The following ACOXL variants were observed in gnomAD, a reference collection of about 807,000 sequenced individuals.
ACOXL encodes the protein acyl-CoA oxidase like.
ACOXL carries 70 observed loss-of-function variants against 71.9 expected under a neutral mutation model. That is an observed-to-expected ratio of 0.97 (90% CI 0.80 to 1.19). ACOXL has a LOEUF of 1.19. Among genes scored for constraint, ACOXL ranks in the 50% most tolerant of loss-of-function variants. The pLI, the probability that ACOXL is intolerant of heterozygous loss-of-function variation, is 0.00. For missense variants in ACOXL, 703 were observed against 736.3 expected (o/e 0.95, Z 0.52); for synonymous variants, 253 against 281.6 (o/e 0.90, Z 1.02).
chr2:111,038,968 A>G (rs745348069), intron 15 of ACOXL, among the ~76,000 whole-genome samples: 4 of 152,226 alleles, frequency 2.6e-5, no homozygotes, highest in African/African-American at 7.2e-5. Flanking sequence ...TTTTTCTTCT[A>G]TAAATAATCT....
At chr2:110,910,430 T>C (rs1225347547) in intron 11 of ACOXL, among the ~76,000 whole-genome samples, 1 of 152,262 alleles carries the variant, frequency 6.6e-6, no homozygotes, top group Non-Finnish European at 1.5e-5. Context: ...GCAAAGTGAA[T>C]ATTCTTGTAC....
At chr2:111,093,226 C>CAA (rs551489527) in intron 17 of ACOXL, among the ~76,000 whole-genome samples, 15 of 94,132 alleles carry the variant, frequency 1.6e-4, no homozygotes, top group South Asian at 3.4e-4. Flanking sequence ...TTGTCTTGGC[C>CAA]AAAAAAAAAA....
At chr2:110,988,261 G>C (rs112209684) in intron 13 of ACOXL, among the ~76,000 whole-genome samples, 21 of 152,210 alleles carry the variant, frequency 1.4e-4, no homozygotes, top group African/African-American at 4.8e-4. Flanking sequence ...AATATGGTGA[G>C]ACCTCTGTCT....
At chr2:110,879,949 C>T (rs932650830) in intron 10 of ACOXL, among the ~76,000 whole-genome samples, 13 of 151,826 alleles carry the variant, frequency 8.6e-5, no homozygotes, top group African/African-American at 3.1e-4. Flanking sequence ...AGTTCAAGAC[C>T]ACCCTGGCCA....
chr2:110,773,920 A>C (rs564264600), intron 2 of ACOXL, among the ~76,000 whole-genome samples: 2 of 152,318 alleles, frequency 1.3e-5, no homozygotes, highest in South Asian at 4.1e-4. Context: ...CATCTGTGAT[A>C]GCCACAGGGA....
chr2:110,885,803 T>G (rs1697210394), intron 10 of ACOXL, among the ~76,000 whole-genome samples: 1 of 152,220 alleles, frequency 6.6e-6, no homozygotes, highest in African/African-American at 2.4e-5. Context: ...ATATTTCAGA[T>G]GTATGCAGTT....
At chr2:110,771,526 AGGTCTC>A (rs1681929065) in intron 2 of ACOXL, among the ~76,000 whole-genome samples, 1 of 152,242 alleles carries the variant, frequency 6.6e-6, no homozygotes, top group South Asian at 2.1e-4. Context: ...CATTCACTCC[AGGTCTC>A]TATGGACAGT....
chr2:110,840,258 T>C (rs1690997833), intron 9 of ACOXL, among the ~76,000 whole-genome samples: 2 of 152,100 alleles, frequency 1.3e-5, no homozygotes, highest in South Asian at 4.1e-4. Context: ...ATAGGCATGT[T>C]TGACCTGGTC....
rs1684993535 is a variant in ACOXL at position 110,794,107 on chromosome 2, C to A, written c.278C>A (p.Thr93Asn). The A allele has an allele frequency of 1.2e-6, 2 of 1,614,046 alleles. No individual in the cohort carries two copies. The highest frequency in any genetic ancestry group is 1.7e-6 in the Non-Finnish European group (2 of 1,180,034). Residue 93 changes from threonine (T) to asparagine (N), a missense_variant, in exon 5 of 18, where the codon ACC (threonine) becomes AAC (asparagine). Thr to Asn is a moderately conservative substitution (Grantham distance 65). Coordinates refer to ENST00000439055, the MANE Select transcript of ACOXL (RefSeq NM_001142807.4). ...AAATACACTGGGATGTTTGCAATGACCGAGAGGGGCCATGGGAGCAACGCG... is the reference window on the plus strand; with the variant it reads ...AAATACACTGGGATGTTTGCAATGAACGAGAGGGGCCATGGGAGCAACGCG... The part of the protein sequence containing the change: ...EQKYTGMFAM[T>N]ERGHGSNARG...
rs1242554011 is a variant in ACOXL at position 110,949,924 on chromosome 2, A to ATCAC, written c.1059+16283_1059+16284insCACT. Among the ~76,000 whole-genome samples the ATCAC allele has an allele frequency of 7.2e-5, 11 of 152,306 alleles. No individual in the cohort carries two copies. In the South Asian group the frequency reaches 2.3e-3, roughly 32 times the overall value. On this transcript the variant is annotated intron_variant, in intron 12 of 17. Coordinates refer to ENST00000439055, the MANE Select transcript of ACOXL (RefSeq NM_001142807.4). ...ACCTTGTCCCCTTTTTTGGCAGGTGATAACTTTCTTCCCTGGCCCTCTGGG... is the reference window on the plus strand; with the variant it reads ...ACCTTGTCCCCTTTTTTGGCAGGTGATCACTAACTTTCTTCCCTGGCCCTCTGGG...
At chr2:110,900,432 C>T (rs1240937148) in intron 10 of ACOXL, among the ~76,000 whole-genome samples, 1 of 152,172 alleles carries the variant, frequency 6.6e-6, no homozygotes, top group Admixed American at 6.5e-5. Context: ...ACACCTGCTA[C>T]ATGTCAGGCA....
intron 12 of ACOXL, among the ~76,000 whole-genome samples, chr2:110,962,031 T>G (rs1405370840): frequency 2.0e-5 from 3 of 152,216 alleles, no homozygotes; most frequent in African/African-American, 7.2e-5. Context: ...ATATTTAGTG[T>G]TACTCTTCTT....
intron 10 of ACOXL, among the ~76,000 whole-genome samples, chr2:110,848,414 C>T (rs183676065): frequency 2.6e-5 from 4 of 152,282 alleles, no homozygotes; most frequent in African/African-American, 7.2e-5. Context: ...TGGATGGTTG[C>T]GTTTTTGATG....
intron 1 of ACOXL, among the ~76,000 whole-genome samples, chr2:110,748,088 C>T (rs1369583324): frequency 6.6e-6 from 1 of 152,096 alleles, no homozygotes; most frequent in East Asian, 1.9e-4. Flanking sequence ...AGAGCCCTGG[C>T]CACGTGGGGC....
chr2:110,942,316 A>G (rs974285317), intron 12 of ACOXL, among the ~76,000 whole-genome samples: 6 of 152,244 alleles, frequency 3.9e-5, no homozygotes, highest in African/African-American at 1.4e-4. Context: ...TATGCCTACA[A>G]AAAACCCACT....
At chr2:110,908,525 A>G (rs1286569411) in intron 10 of ACOXL, among the ~76,000 whole-genome samples, 1 of 152,174 alleles carries the variant, frequency 6.6e-6, no homozygotes, top group Non-Finnish European at 1.5e-5. Context: ...AAGGAGTAAA[A>G]ATTACTCTGG....
At chr2:110,878,948 C>A (rs1445824568) in intron 10 of ACOXL, among the ~76,000 whole-genome samples, 2 of 151,352 alleles carry the variant, frequency 1.3e-5, no homozygotes, top group African/African-American at 4.9e-5. Flanking sequence ...ATTCCAGCTA[C>A]TCGGGAGGCT....
At chr2:111,091,766 A>G (rs995701356) in intron 16 of ACOXL, among the ~76,000 whole-genome samples, 4 of 152,184 alleles carry the variant, frequency 2.6e-5, no homozygotes, top group African/African-American at 7.2e-5. Flanking sequence ...TCTTTCATAA[A>G]TAAGCTGCTC....
chr2:110,795,221 C>A (rs948028367), intron 5 of ACOXL, among the ~76,000 whole-genome samples: 24 of 152,088 alleles, frequency 1.6e-4, no homozygotes, highest in Admixed American at 1.5e-3. Flanking sequence ...GTTTCCTGAC[C>A]CAGGGTTGCT....
Sources: gnomAD v4.1 joint callset for allele counts (sites outside exome capture counted in the v4.1 genomes callset) on GRCh38, gnomAD v4.1.1 for gene constraint, MANE v1.5 for transcripts, NCBI Gene and HGNC (gene_info 2026-07-23, HGNC 2026-07-21) for gene names.